Variants in PACS1 observed in about 807,000 individuals in gnomAD.
PACS1 encodes the protein PACS-1.
Under a neutral mutation model 115.0 loss-of-function variants are expected in PACS1, and 24 were observed. That is an observed-to-expected ratio of 0.21 (90% CI 0.15 to 0.29). PACS1 has a LOEUF of 0.29. Among genes scored for constraint, PACS1 ranks in the 10% least tolerant of loss-of-function variants. PACS1 has a pLI of 1.00. For synonymous variants in PACS1, 453 were observed against 504.5 expected (o/e 0.90, Z 1.37); for missense variants, 838 against 1,251.2 (o/e 0.67, Z 4.98).
In PACS1 at chr11:66,070,587, CGCAGCAGCA is replaced by C; in HGVS notation, c.113_121del (p.Gln38_Gln40del). On this transcript the variant is annotated inframe_deletion, in exon 1 of 24. Coordinates refer to ENST00000320580, the MANE Select transcript of PACS1 (RefSeq NM_018026.4). This position sits in a 1 kb window ranked among gnomAD's most constrained non-coding sequence, Gnocchi z 5.9. ...GCCCAGTCCCCTCAGCAGCCGCCGCCGCAGCAGCAGCAGCAGCAGCCGCCGCAGCAGCCG... is the reference window on the plus strand; with the variant it reads ...GCCCAGTCCCCTCAGCAGCCGCCGCCGCAGCAGCAGCCGCCGCAGCAGCCG... 16 of 1,493,944 alleles carry C rather than the reference CGCAGCAGCA, an allele frequency of 1.1e-5. No homozygotes were observed. The highest frequency in any genetic ancestry group is 4.3e-5 in the Admixed American group (2 of 46,892). 92.5% of individuals were successfully genotyped at this position (1,493,944 alleles called of 1,614,324 possible).
rs1590839057 is a variant in PACS1, at chr11:66,233,243, C to T, written c.1838+177C>T. Among the ~76,000 whole-genome samples the T allele has an allele frequency of 1.3e-5, 2 of 152,160 alleles. No individual in the cohort carries two copies. Among genetic ancestry groups the T allele is most frequent in the South Asian group, 4.1e-4 (2 of 4,836 alleles). ...CTGTAGGGCTTGAGGCCCCGGCAGA[C>T]CCCAGAGGATCGGGGGTGGAAATAT... is the stretch of plus-strand genomic sequence containing the variant. On this transcript the variant is annotated intron_variant, in intron 15 of 23. Coordinates refer to ENST00000320580, the MANE Select transcript of PACS1 (RefSeq NM_018026.4). This position sits in a 1 kb window ranked among gnomAD's most constrained non-coding sequence, Gnocchi z 4.5.
chr11:66,232,759 C>T (rs538663561), intron 14 of PACS1, among the ~76,000 whole-genome samples: 6 of 152,228 alleles, frequency 3.9e-5, no homozygotes, highest in African/African-American at 1.4e-4. Context: ...TCCCATCTCT[C>T]ACACTCTGCG....
chr11:66,165,852 G>A lies in PACS1; in HGVS notation c.357-27634G>A, dbSNP rs576995716. ...CTTCAGTTCATCATCAGCAAGACCC[G>A]TCAGTTCTATCAGTGTTCCTGAGTT... On this transcript the variant is annotated intron_variant, in intron 1 of 23. Transcript: ENST00000320580. Among the ~76,000 whole-genome samples, 205 of 152,168 alleles carry A rather than the reference G, an allele frequency of 1.3e-3. 1 individual carries two copies. Among genetic ancestry groups the A allele is most frequent in the South Asian group, 2.9e-3 (14 of 4,818 alleles).
intron 1 of PACS1, among the ~76,000 whole-genome samples, chr11:66,116,595 ATAGAACTTAGATTC>A (rs1858310744): frequency 6.6e-6 from 1 of 152,232 alleles, no homozygotes; most frequent in Admixed American, 6.5e-5. Flanking sequence ...CTCTGCCTTC[ATAGAACTTAGATTC>A]TAGCTGGGCA....
intron 2 of PACS1, among the ~76,000 whole-genome samples, chr11:66,202,212 A>G (rs984348557): frequency 1.3e-5 from 2 of 152,208 alleles, no homozygotes; most frequent in Admixed American, 6.5e-5. Flanking sequence ...GAATAGACCA[A>G]TAACAAAAAA....
chr11:66,219,886 T>C (rs1855301889), intron 8 of PACS1, 81 bp downstream of exon 8: 3 of 985,756 alleles, frequency 3.0e-6, no homozygotes, highest in Admixed American at 1.7e-5. Context: ...CACTCTGTAT[T>C]GCCACTGAGA....
intron 1 of PACS1, among the ~76,000 whole-genome samples, chr11:66,139,576 C>T (rs76290143): frequency 0.027 from 4,018 of 150,870 alleles, 68 homozygotes; most frequent in Non-Finnish European, 0.043. Flanking sequence ...ATTTTTAGCT[C>T]TCACAAGTAA....
chr11:66,236,234 C>T lies in PACS1; in HGVS notation c.2250+294C>T, dbSNP rs1439493761. Reference sequence around the variant, plus strand: ...GTGCAGAGGTGGAGAAACCCTGGGCCGGACATGGATTGGGCTGTCCCTTTT... The same window carrying T: ...GTGCAGAGGTGGAGAAACCCTGGGCTGGACATGGATTGGGCTGTCCCTTTT... On this transcript the variant is annotated intron_variant, in intron 19 of 23. Coordinates refer to ENST00000320580, the MANE Select transcript of PACS1 (RefSeq NM_018026.4). The surrounding 1 kb of genome is among the most constrained non-coding windows in gnomAD (Gnocchi z 4.2). Among the ~76,000 whole-genome samples, 4 of 152,164 alleles carry T rather than the reference C, an allele frequency of 2.6e-5. No individual in the cohort carries two copies. Among genetic ancestry groups the T allele is most frequent in the African/African-American group, 4.8e-5 (2 of 41,440 alleles).
intron 1 of PACS1, among the ~76,000 whole-genome samples, chr11:66,118,714 C>T (rs1858366344): frequency 7.4e-6 from 1 of 135,970 alleles, no homozygotes; most frequent in Admixed American, 8.5e-5. Context: ...ATCACCTGAG[C>T]TCAGGAGTTT....
At chr11:66,204,463 G>A (rs188682065) in intron 2 of PACS1, among the ~76,000 whole-genome samples, 7 of 152,214 alleles carry the variant, frequency 4.6e-5, no homozygotes, top group South Asian at 2.1e-4. Flanking sequence ...TTAGTATAGC[G>A]AATATGGAAA....
intron 2 of PACS1, among the ~76,000 whole-genome samples, chr11:66,195,570 T>C (rs1854631561): frequency 6.6e-6 from 1 of 152,224 alleles, no homozygotes; most frequent in Admixed American, 6.5e-5. Flanking sequence ...AAAGAAATAA[T>C]TTATTTCCTG....
intron 1 of PACS1, among the ~76,000 whole-genome samples, chr11:66,110,858 A>G (rs893408799): frequency 1.3e-5 from 2 of 152,160 alleles, no homozygotes; most frequent in African/African-American, 4.8e-5. Context: ...CATGAGCCGT[A>G]GCACCCAGCC....
At chr11:66,191,938 G>T (rs1024034850) in intron 1 of PACS1, among the ~76,000 whole-genome samples, 6 of 151,996 alleles carry the variant, frequency 3.9e-5, no homozygotes, top group Non-Finnish European at 5.9e-5. Context: ...CAGCAGAATT[G>T]CTGGAACACG....
chr11:66,168,056 A>G (rs1388526168), intron 1 of PACS1, among the ~76,000 whole-genome samples: 1 of 150,174 alleles, frequency 6.7e-6, no homozygotes, highest in Non-Finnish European at 1.5e-5. Flanking sequence ...TGCCACCACC[A>G]TGCCTGGCTA....
chr11:66,227,552 C>G lies in PACS1; in HGVS notation c.1342C>G (p.Gln448Glu). The G allele has an allele frequency of 6.2e-7, 1 of 1,610,962 alleles. No individual in the cohort carries two copies. Among genetic ancestry groups the G allele is most frequent in the Non-Finnish European group, 8.5e-7 (1 of 1,178,116 alleles). The stretch of plus-strand genomic sequence containing the variant: ...AATTAAATCTACTTGGATTAAAAAC[C>G]AAGATGACAGCTTGACTGAAACAGA... ...EKIKSTWIKN[Q>E]DDSLTETDTL... is the part of the protein sequence containing the mutation. Residue 448 changes from glutamine (Q) to glutamate (E), a missense_variant, in exon 11 of 24, where the codon CAA (glutamine) becomes GAA (glutamate). Gln to Glu is a conservative substitution (Grantham distance 29). Around this residue, in one of 6 missense-constraint regions of PACS1, gnomAD observed 383 missense variants for 537.0 expected, o/e 0.71. Coordinates refer to ENST00000320580, the MANE Select transcript of PACS1 (RefSeq NM_018026.4).
At chr11:66,241,249 C>T (rs1350422277) in intron 21 of PACS1, 178 bp from the exon 22 acceptor site, 2 of 555,700 alleles carry the variant, frequency 3.6e-6, no homozygotes, top group Non-Finnish European at 3.2e-6. Flanking sequence ...CAGCTTTGTT[C>T]TCAGATCAGC....
chr11:66,164,116 C>T (rs1387089485), intron 1 of PACS1, among the ~76,000 whole-genome samples: 1 of 152,084 alleles, frequency 6.6e-6, no homozygotes, highest in East Asian at 1.9e-4. Flanking sequence ...CCTGGCTTTT[C>T]GGTTCATGGG....
rs1855764544 is a variant in PACS1 at position 66,239,283 on chromosome 11, G to T, written c.2429+6G>T. The T allele has an allele frequency of 1.9e-6, 3 of 1,608,736 alleles. No individual in the cohort carries two copies. Among genetic ancestry groups the T allele is most frequent in the African/African-American group, 1.3e-5 (1 of 74,820 alleles). ...AGCGCCCTGGCCATCGTGGGGTAAG[G>T]CTCCTGCCCGTACCTGTCCTGCCAT... On this transcript the variant is annotated splice_donor_region_variant and intron_variant, in intron 21 of 23. Transcript: ENST00000320580.
chr11:66,211,790 C>T (rs1855076590), intron 4 of PACS1, among the ~76,000 whole-genome samples: 1 of 152,226 alleles, frequency 6.6e-6, no homozygotes, highest in African/African-American at 2.4e-5. Flanking sequence ...CCCACAGTCC[C>T]TATTCGGATT....
Sources: gnomAD v4.1 joint callset for allele counts (sites outside exome capture counted in the v4.1 genomes callset) on GRCh38, gnomAD v4.1.1 for gene constraint, gnomAD v4.1.1 regional missense constraint, Gnocchi (gnomAD v3.1) non-coding constraint, MANE v1.5 for transcripts, NCBI Gene and HGNC (gene_info 2026-07-23, HGNC 2026-07-21) for gene names.